NWD1: variants seen among roughly 807,000 people sequenced by gnomAD.
The protein encoded by NWD1 is NACHT and WD repeat domain containing 1.
A neutral mutation model predicts 135.1 loss-of-function variants in NWD1; 129 were observed. The observed-to-expected ratio is 0.96, with a 90% CI of 0.83 to 1.11. The LOEUF is 1.11. Among genes scored for constraint, NWD1 ranks in the 50% least tolerant of loss-of-function variants. The pLI is 0.00. For synonymous variants in NWD1, 773 were observed against 786.0 expected, an observed-to-expected ratio of 0.98 and a Z score of 0.28; for missense variants, 1,740 against 1,851.3, an observed-to-expected ratio of 0.94 and a Z score of 1.10.
chr19:16,735,126 C>T (rs989254146), intron 3 of NWD1, among the ~76,000 whole-genome samples: 5 of 152,062 alleles, frequency 3.3e-5, no homozygotes, highest in Non-Finnish European at 5.9e-5. Context: ...ATGGACAGTA[C>T]GGAGTTCCCA....
chr19:16,742,700 C>T lies in NWD1; in HGVS notation c.199-1721C>T, dbSNP rs192038104. ...GTATATATATTTTGAGACGGAGTTTCGCTCTTGTTGCCCAGGCTGGAGTGC... is the reference window on the plus strand; with the variant it reads ...GTATATATATTTTGAGACGGAGTTTTGCTCTTGTTGCCCAGGCTGGAGTGC... On this transcript the variant is annotated intron_variant, in intron 4 of 18. Transcript: ENST00000524140. Among the ~76,000 whole-genome samples the T allele has an allele frequency of 2.6e-5, 4 of 151,912 alleles. No homozygotes were observed. In the East Asian group the frequency reaches 7.7e-4, roughly 29 times the overall value.
rs138160757 is a variant in NWD1, at chr19:16,779,087, A to T, written c.2609-256A>T. 8.5e-5 allele frequency among the ~76,000 whole-genome samples: 13 copies of T among 152,258 alleles called. No homozygotes were observed. The East Asian group carries it at 2.5e-3, about 29-fold the overall frequency. Reference sequence around the variant, plus strand: ...CGCTGGGTGAGCACTGCTAGACTAGACAGACACTTATGACCACACTGTGAT... The same window carrying T: ...CGCTGGGTGAGCACTGCTAGACTAGTCAGACACTTATGACCACACTGTGAT... On this transcript the variant is annotated intron_variant, in intron 11 of 18. Coordinates refer to ENST00000524140, the MANE Select transcript of NWD1 (RefSeq NM_001007525.5).
rs769386699 is a variant in NWD1 at position 16,749,669 on chromosome 19, C to T, written c.1027C>T (p.Pro343Ser). ...QHTPLVLFGP[P>S]GIGKTALMCK... is the part of the protein sequence containing the mutation. ...CACCCCCCTGGTACTCTTTGGGCCC[C>T]CAGGCATTGGAAAGACAGCCCTGAT... The change falls in exon 6 of 19, where the codon CCA (proline) becomes TCA (serine). Residue 343 changes from proline (P) to serine (S), a missense_variant. By Grantham distance (74) the Pro-to-Ser change is moderately conservative. Coordinates refer to ENST00000524140, the MANE Select transcript of NWD1 (RefSeq NM_001007525.5). 1.7e-5 allele frequency: 27 copies of T among 1,600,030 alleles called. No homozygotes were observed. The highest frequency in any genetic ancestry group is 2.2e-5 in the Non-Finnish European group (26 of 1,170,944).
chr19:16,814,597 A>G (rs1016427841), intron 18 of NWD1, among the ~76,000 whole-genome samples: 9 of 152,240 alleles, frequency 5.9e-5, no homozygotes, highest in African/African-American at 1.9e-4. Context: ...CTATAACACT[A>G]TTATACATTG....
chr19:16,770,444 A>G (rs1415485770), intron 10 of NWD1, among the ~76,000 whole-genome samples: 1 of 152,150 alleles, frequency 6.6e-6, no homozygotes, highest in Non-Finnish European at 1.5e-5. Flanking sequence ...CTGTAGGTCA[A>G]TTAAACCTCT....
rs953596083 is a variant in NWD1, at chr19:16,719,939, G to A, written c.-459G>A. ...AGGGGCTTGTCTTCCGGGTGGCGCC[G>A]AGGCCAGGAAACTGTCCTCTCTAAC... On this transcript the variant is annotated 5_prime_UTR_variant, in exon 1 of 19. Transcript: ENST00000524140. 4.6e-5 allele frequency: 7 copies of A among 152,184 alleles called. No individual in the cohort carries two copies. The highest frequency in any genetic ancestry group is 1.7e-4 in the African/African-American group (7 of 41,428). The allele number at this position is 152,184 out of a possible 1,614,324, so 9.4% of individuals were successfully genotyped here.
intron 4 of NWD1, among the ~76,000 whole-genome samples, chr19:16,743,249 C>G (rs1049378241): frequency 6.7e-6 from 1 of 149,796 alleles, no homozygotes; most frequent in African/African-American, 2.5e-5. Context: ...CTCACTCTGT[C>G]CCCCAGGCTG....
chr19:16,759,307 C>G lies in NWD1; in HGVS notation c.1852C>G (p.Pro618Ala). 6.2e-7 allele frequency: 1 copy of G among 1,614,126 alleles called. No individual in the cohort carries two copies. Among genetic ancestry groups the G allele is most frequent in the Non-Finnish European group, 8.5e-7 (1 of 1,179,966 alleles). ...VLQDVYRDWT[P>A]PSKELLRFPP... ...GCAGGATGTGTACCGAGATTGGACC[C>G]CGCCCAGCAAGGAGCTGCTGCGCTT... Residue 618 changes from proline to alanine, a missense_variant, in exon 7 of 19, where the codon CCG becomes GCG. Physicochemically the swap from Pro to Ala is conservative, Grantham distance 27. Transcript: ENST00000524140.
At chr19:16,728,287 T>C (rs991917204) in intron 2 of NWD1, among the ~76,000 whole-genome samples, 6 of 149,268 alleles carry the variant, frequency 4.0e-5, no homozygotes, top group Non-Finnish European at 8.9e-5. Flanking sequence ...TGCTCTTTTT[T>C]TTTTTTTTTT....
At chr19:16,775,576 G>A (rs1663463286) in intron 11 of NWD1, among the ~76,000 whole-genome samples, 1 of 152,212 alleles carries the variant, frequency 6.6e-6, no homozygotes, top group African/African-American at 2.4e-5. Flanking sequence ...CGACCTGGAA[G>A]CAGAACTAAA....
At chr19:16,744,980 G>A (rs886860600) in intron 5 of NWD1, 11 of 636,608 alleles carry the variant, frequency 1.7e-5, no homozygotes, top group African/African-American at 1.6e-4. Flanking sequence ...CCTGGCACAG[G>A]GGCCGTATTA....
rs1412684418 is a variant in NWD1, at chr19:16,816,368, C to G, written c.*1329C>G. 6.6e-6 allele frequency: 1 copy of G among 152,174 alleles called. No individual in the cohort carries two copies. Among genetic ancestry groups the G allele is most frequent in the Non-Finnish European group, 1.5e-5 (1 of 68,040 alleles). 9.4% of individuals were successfully genotyped at this position (152,174 alleles called of 1,614,324 possible). A position where few individuals can be genotyped will look rare whatever the true frequency, so the allele number is the denominator to read the frequency against. On this transcript the variant is annotated 3_prime_UTR_variant, in exon 19 of 19. Coordinates refer to ENST00000524140, the MANE Select transcript of NWD1 (RefSeq NM_001007525.5). ...ATATCTATAGTGCATTTGGCATGTGCGTCTTTGGTTAATGAGCTGACTTCA... is the reference window on the plus strand; with the variant it reads ...ATATCTATAGTGCATTTGGCATGTGGGTCTTTGGTTAATGAGCTGACTTCA...
chr19:16,734,559 C>CTT (rs58061957), intron 3 of NWD1, among the ~76,000 whole-genome samples: 10 of 137,054 alleles, frequency 7.3e-5, no homozygotes, highest in African/African-American at 1.6e-4. Context: ...GATTTTCTTT[C>CTT]TTTTTTTTTT....
At chr19:16,748,176 G>T (rs193089999) in intron 5 of NWD1, among the ~76,000 whole-genome samples, 1 of 152,000 alleles carries the variant, frequency 6.6e-6, no homozygotes, top group Non-Finnish European at 1.5e-5. Flanking sequence ...TAGTGACAAG[G>T]TTTCACCATG....
At chr19:16,733,210 G>A (rs1245678863) in intron 3 of NWD1, among the ~76,000 whole-genome samples, 1 of 151,044 alleles carries the variant, frequency 6.6e-6, no homozygotes, top group African/African-American at 2.4e-5. Flanking sequence ...GCCAGATTGG[G>A]ATGCTGTCTT....
intron 10 of NWD1, among the ~76,000 whole-genome samples, chr19:16,770,763 G>A (rs1341642053): frequency 6.6e-6 from 1 of 152,162 alleles, no homozygotes; most frequent in Non-Finnish European, 1.5e-5. Context: ...ACTGTCATAT[G>A]ATAGCATTGT....
chr19:16,766,811 CCTG>C (rs1208828798), intron 10 of NWD1, among the ~76,000 whole-genome samples: 2 of 152,094 alleles, frequency 1.3e-5, no homozygotes, highest in Non-Finnish European at 2.9e-5. Flanking sequence ...GTCTTGAACT[CCTG>C]GACTCAAGCA....
chr19:16,813,448 T>C (rs1020703317), intron 18 of NWD1, among the ~76,000 whole-genome samples: 1 of 152,074 alleles, frequency 6.6e-6, no homozygotes, highest in Non-Finnish European at 1.5e-5. Context: ...GCCCCCGCCT[T>C]ATAGATGTTA....
At chr19:16,782,604 A>C (rs1399171811) in intron 12 of NWD1, among the ~76,000 whole-genome samples, 1 of 152,232 alleles carries the variant, frequency 6.6e-6, no homozygotes, top group Non-Finnish European at 1.5e-5. Context: ...GACAAGATAC[A>C]TAATATTATG....
Sources: allele counts gnomAD v4.1 joint callset (sites outside exome capture counted in the v4.1 genomes callset), GRCh38; gene constraint gnomAD v4.1.1; transcripts MANE v1.5; gene names NCBI Gene and HGNC (gene_info 2026-07-23, HGNC 2026-07-21).